The following PPHLN1 variants were observed in gnomAD, a reference collection of about 807,000 sequenced individuals.
PPHLN1 encodes periphilin 1.
PPHLN1 carries 29 observed loss-of-function variants against 51.3 expected under a neutral mutation model. The observed-to-expected ratio is 0.57, with a 90% CI of 0.42 to 0.77. PPHLN1 has a LOEUF of 0.77. PPHLN1 is among the 30% of genes least tolerant of loss of function. The probability of loss-of-function intolerance (pLI) is 0.00; values close to 1 mark genes in which losing one functional copy is unlikely to be tolerated. For missense variants in PPHLN1, 436 were observed against 438.4 expected, an observed-to-expected ratio of 0.99 and a Z score of 0.05; for synonymous variants, 147 against 147.8, an observed-to-expected ratio of 0.99 and a Z score of 0.04.
intron 4 of PPHLN1, among the ~76,000 whole-genome samples, chr12:42,370,416 TC>T (rs1309129962): frequency 6.6e-6 from 1 of 152,234 alleles, no homozygotes; most frequent in Non-Finnish European, 1.5e-5. Context: ...TTTGATGACT[TC>T]TGTAATTACT....
chr12:42,330,238 C>T lies in PPHLN1; in HGVS notation c.-21+4009C>T, dbSNP rs150019852. On this transcript the variant is annotated intron_variant, in intron 1 of 9. Coordinates refer to ENST00000358314, the MANE Select transcript of PPHLN1 (RefSeq NM_201439.2). Reference sequence around the variant, plus strand: ...TCTCAGAATAGAACAAATGTACAATCGGGTTTTATACCGAGACATTCCGTT... The same window carrying T: ...TCTCAGAATAGAACAAATGTACAATTGGGTTTTATACCGAGACATTCCGTT... Among the ~76,000 whole-genome samples the T allele has an allele frequency of 7.1e-3, 1,086 of 152,332 alleles. 12 individuals are homozygous for T. The highest frequency in any genetic ancestry group is 0.025 in the African/African-American group (1,035 of 41,574).
At chr12:42,371,475 T>C (rs908760186) in intron 4 of PPHLN1, among the ~76,000 whole-genome samples, 1 of 152,198 alleles carries the variant, frequency 6.6e-6, no homozygotes, top group African/African-American at 2.4e-5. Flanking sequence ...GATACTATCA[T>C]TTCTCTTTTT....
At chr12:42,418,257 G>T (rs1432732780) in intron 9 of PPHLN1, among the ~76,000 whole-genome samples, 2 of 139,874 alleles carry the variant, frequency 1.4e-5, no homozygotes, top group Middle Eastern at 3.8e-3. Flanking sequence ...AGGAAATGGG[G>T]AACGTATTTA....
intron 9 of PPHLN1, among the ~76,000 whole-genome samples, chr12:42,426,041 C>T (rs904289659): frequency 2.0e-5 from 3 of 152,168 alleles, no homozygotes; most frequent in African/African-American, 7.2e-5. Flanking sequence ...CAGCATGGGG[C>T]AGATGGCTGA....
At chr12:42,444,759 G>T, downstream of PPHLN1, 1 of 375,988 alleles carries the variant, frequency 2.7e-6, no homozygotes, top group Non-Finnish European at 4.8e-6. Context: ...TATAAAACAT[G>T]CCCTTCCTGC....
intron 9 of PPHLN1, among the ~76,000 whole-genome samples, chr12:42,408,921 A>G (rs537307204): frequency 6.8e-4 from 103 of 152,324 alleles, no homozygotes; most frequent in Non-Finnish European, 3.5e-4. Flanking sequence ...AAGACACCCA[A>G]TGGTTTTCTG....
At chr12:42,351,819 A>T in intron 2 of PPHLN1, 66 bp from the exon 3 acceptor site, 1 of 1,391,812 alleles carries the variant, frequency 7.2e-7, no homozygotes, top group Middle Eastern at 2.0e-4. Flanking sequence ...TGTGCTTTTT[A>T]AAAACCTTTC....
intron 1 of PPHLN1, chr12:42,332,762 C>T (rs1286606427): frequency 3.7e-5 from 37 of 1,010,638 alleles, no homozygotes; most frequent in Non-Finnish European, 4.9e-5. Context: ...TGTGGGACAC[C>T]GGTAAATTTT....
chr12:42,341,131 A>G (rs1486300316), intron 2 of PPHLN1, among the ~76,000 whole-genome samples: 1 of 151,634 alleles, frequency 6.6e-6, no homozygotes, highest in East Asian at 1.9e-4. Context: ...ACAGGCGCCT[A>G]CCACCACGCT....
intron 9 of PPHLN1, among the ~76,000 whole-genome samples, chr12:42,413,788 T>G (rs572507654): frequency 6.6e-6 from 1 of 152,046 alleles, no homozygotes; most frequent in South Asian, 2.1e-4. Context: ...GCCTCAAACT[T>G]CTGACCACAA....
At chr12:42,407,832 G>A (rs1292515802) in intron 9 of PPHLN1, among the ~76,000 whole-genome samples, 1 of 152,098 alleles carries the variant, frequency 6.6e-6, no homozygotes, top group Admixed American at 6.6e-5. Context: ...AGGGAATAAT[G>A]AAAAGGAAAA....
chr12:42,334,830 T>C (rs1473349038), intron 1 of PPHLN1, among the ~76,000 whole-genome samples: 1 of 152,204 alleles, frequency 6.6e-6, no homozygotes, highest in African/African-American at 2.4e-5. Flanking sequence ...TGTCATCCAC[T>C]CCAGAAGTTG....
At chr12:42,399,097 ACT>A in intron 9 of PPHLN1, 103 bp downstream of exon 9, 1 of 1,483,540 alleles carries the variant, frequency 6.7e-7, no homozygotes, top group South Asian at 1.5e-5. Flanking sequence ...TCCACCTGTA[ACT>A]CTAAAACTAC....
At chr12:42,376,625 A>C (rs1297783805) in intron 5 of PPHLN1, among the ~76,000 whole-genome samples, 1 of 152,084 alleles carries the variant, frequency 6.6e-6, no homozygotes, top group African/African-American at 2.4e-5. Context: ...CCTGTCTCTC[A>C]AAAAAGAATT....
chr12:42,328,315 G>C (rs1330816005), intron 1 of PPHLN1, among the ~76,000 whole-genome samples: 2 of 152,110 alleles, frequency 1.3e-5, no homozygotes, highest in Non-Finnish European at 2.9e-5. Flanking sequence ...ATAATAGAAG[G>C]AGGCATATGG....
intron 2 of PPHLN1, among the ~76,000 whole-genome samples, chr12:42,344,575 C>A (rs1463301944): frequency 2.8e-4 from 43 of 152,006 alleles, no homozygotes; most frequent in Non-Finnish European, 2.9e-5. Flanking sequence ...TTAATACTTT[C>A]ATTTTAAATT....
Position 42,352,010 on chromosome 12 carries a change from T to C in PPHLN1, c.198T>C (p.Ser66=). ...VDYRDYDEGR[S]FSHDRRSGPP... is the part of the protein sequence containing the mutation. The stretch of plus-strand genomic sequence containing the variant: ...ACCGAGACTATGACGAGGGCCGCAG[T>C]TTTTCTCATGATCGAAGAAGTGGTC... Residue 66 remains serine, a synonymous_variant, in exon 3 of 10, where the codon AGT becomes AGC. Coordinates refer to ENST00000358314, the MANE Select transcript of PPHLN1 (RefSeq NM_201439.2). The C allele has an allele frequency of 6.5e-7, 1 of 1,549,350 alleles. No homozygotes were observed. The highest frequency in any genetic ancestry group is 8.7e-7 in the Non-Finnish European group (1 of 1,154,516).
intron 9 of PPHLN1, chr12:42,432,133 G>T: frequency 8.9e-7 from 1 of 1,127,430 alleles, no homozygotes; most frequent in Non-Finnish European, 1.4e-6. Context: ...CTGCTGTCAC[G>T]CTGATGTCGG....
At chr12:42,348,618 T>C (rs1772418127) in intron 2 of PPHLN1, among the ~76,000 whole-genome samples, 1 of 152,204 alleles carries the variant, frequency 6.6e-6, no homozygotes, top group Non-Finnish European at 1.5e-5. Context: ...ATAAGCTCTC[T>C]ATTCATAGAA....
Sources: gnomAD v4.1 joint callset for allele counts (sites outside exome capture counted in the v4.1 genomes callset) on GRCh38, gnomAD v4.1.1 for gene constraint, MANE v1.5 for transcripts, NCBI Gene and HGNC (gene_info 2026-07-23, HGNC 2026-07-21) for gene names.